UNC93A: variants seen among roughly 807,000 people sequenced by gnomAD.
The protein encoded by UNC93A is unc-93 homolog A, also known as N-acetylglucosamine transporter UNC93A.
UNC93A carries 43 observed loss-of-function variants against 47.5 expected under a neutral mutation model. The ratio of observed to expected loss-of-function variants is 0.91; its 90% CI spans 0.71 to 1.17. The LOEUF (loss-of-function observed/expected upper bound fraction) is 1.17. Among genes scored for constraint, UNC93A ranks in the 50% most tolerant of loss-of-function variants. The pLI, the probability that UNC93A is intolerant of heterozygous loss-of-function variation, is 0.00. For synonymous variants in UNC93A, 280 were observed against 258.0 expected, an observed-to-expected ratio of 1.09 and a Z score of -0.82; for missense variants, 605 against 577.6, an observed-to-expected ratio of 1.05 and a Z score of -0.49.
At chr6:167,301,144 G>A (rs1778229571) in intron 4 of UNC93A, among the ~76,000 whole-genome samples, 1 of 152,256 alleles carries the variant, frequency 6.6e-6, no homozygotes, top group Non-Finnish European at 1.5e-5. Flanking sequence ...AACAGCACAG[G>A]CTTCTCTGTG....
At chr6:167,289,349 A>T (rs1214923029), upstream of UNC93A, among the ~76,000 whole-genome samples, 1 of 152,232 alleles carries the variant, frequency 6.6e-6, no homozygotes, top group Non-Finnish European at 1.5e-5. Context: ...CTCTAAGAGA[A>T]GCATTTTATT....
At chr6:167,303,869 C>T in intron 4 of UNC93A, 50 bp from the exon 5 acceptor site, 1 of 1,594,034 alleles carries the variant, frequency 6.3e-7, no homozygotes, top group South Asian at 1.1e-5. Context: ...TGCCAGGCAC[C>T]CTGCCTCTGG....
intron 4 of UNC93A, among the ~76,000 whole-genome samples, chr6:167,299,023 C>G (rs994250260): frequency 2.0e-5 from 3 of 150,520 alleles, no homozygotes; most frequent in African/African-American, 7.4e-5. Context: ...GGGGCTGAGG[C>G]AGGAGAATCA....
upstream of UNC93A, among the ~76,000 whole-genome samples, chr6:167,269,445 T>G (rs28491922): frequency 1.1e-4 from 17 of 152,318 alleles, 1 homozygote; most frequent in South Asian, 3.5e-3. Flanking sequence ...CATTTGAAAT[T>G]GGCATTGCAC....
chr6:167,305,102 T>TCCGTCCCCATC (rs11275636), intron 5 of UNC93A, among the ~76,000 whole-genome samples: 13,029 of 151,452 alleles, frequency 0.086, 829 homozygotes, highest in African/African-American at 0.17. Context: ...ACTTCTCTGC[T>TCCGTCCCCATC]CCAGATCCCT....
In UNC93A at chr6:167,294,616, G is replaced by A. The variant is rs1391683398; in HGVS notation, c.187G>A (p.Glu63Lys). ...SSMFLPPLLI[E>K]RLGCKGTIIL... ...CATGTTCCTCCCACCGCTCCTCATC[G>A]AGAGGCTGGGCTGCAAGGGGACCAT... The change falls in exon 2 of 8, where the codon GAG (glutamate) becomes AAG (lysine). Residue 63 changes from glutamate to lysine, a missense_variant. Physicochemically the swap from Glu to Lys is moderately conservative, Grantham distance 56. Coordinates refer to ENST00000230256, the MANE Select transcript of UNC93A (RefSeq NM_018974.4). The A allele has an allele frequency of 2.5e-6, 4 of 1,613,750 alleles. No homozygotes were observed. The highest frequency in any genetic ancestry group is 1.7e-4 in the Middle Eastern group (1 of 6,058).
In UNC93A at chr6:167,295,714, GTGCTCCTCGCCTT is replaced by G. The variant is rs1562350626; in HGVS notation, c.270-317_270-305del. ...CTGCCTCGTGCTCCTCGCCTCCCTCGTGCTCCTCGCCTTCCTCGTGCTCCTCGCCTCCCTCGTG... is the reference window on the plus strand; with the variant it reads ...CTGCCTCGTGCTCCTCGCCTCCCTCGCCTCGTGCTCCTCGCCTCCCTCGTG... On this transcript the variant is annotated intron_variant, in intron 2 of 7. Coordinates refer to ENST00000230256, the MANE Select transcript of UNC93A (RefSeq NM_018974.4). Among the ~76,000 whole-genome samples the G allele has an allele frequency of 3.8e-4, 51 of 133,926 alleles. 3 individuals are homozygous for G. The highest frequency in any genetic ancestry group is 4.2e-3 in the Middle Eastern group (1 of 236). The allele number at this position is 133,926 out of a possible 152,430, so 87.9% of individuals were successfully genotyped here.
At chr6:167,291,640 G>T in intron 1 of UNC93A, 64 bp downstream of exon 1, 1 of 1,463,872 alleles carries the variant, frequency 6.8e-7, no homozygotes, top group Non-Finnish European at 9.3e-7. Context: ...TGTGGTCACA[G>T]ACAATAATGA....
chr6:167,288,020 A>G (rs184936127), upstream of UNC93A, among the ~76,000 whole-genome samples: 6 of 152,272 alleles, frequency 3.9e-5, no homozygotes, highest in African/African-American at 1.4e-4. Context: ...GGCCACTCAC[A>G]TGTCCCAGGT....
upstream of UNC93A, among the ~76,000 whole-genome samples, chr6:167,286,971 C>CTT (rs1783746322): frequency 1.7e-5 from 2 of 117,984 alleles, no homozygotes; most frequent in African/African-American, 6.8e-5. Flanking sequence ...GAGCAAGACT[C>CTT]TGTCTCAAAA....
Position 167,298,080 on chromosome 6 carries a change from C to A in UNC93A, c.625+10C>A, listed in dbSNP as rs756389235. 1 of 1,613,002 alleles carries A rather than the reference C, an allele frequency of 6.2e-7. No individual in the cohort carries two copies. Among genetic ancestry groups the A allele is most frequent in the Non-Finnish European group, 8.5e-7 (1 of 1,179,592 alleles). On this transcript the variant is annotated intron_variant, in intron 4 of 7. Coordinates refer to ENST00000230256, the MANE Select transcript of UNC93A (RefSeq NM_018974.4). The stretch of plus-strand genomic sequence containing the variant: ...CTGGGCATCTACACTGGTACGAGCT[C>A]CATCGGCCCAGGGCAGGGTCCCTAG...
At chr6:167,312,188 G>T (rs1472220126) in intron 7 of UNC93A, among the ~76,000 whole-genome samples, 1 of 151,810 alleles carries the variant, frequency 6.6e-6, no homozygotes, top group South Asian at 2.1e-4. Flanking sequence ...GTGGGTTTGC[G>T]GAGGACAGCT....
At chr6:167,296,769 T>G (rs1346257607) in intron 3 of UNC93A, among the ~76,000 whole-genome samples, 2 of 152,212 alleles carry the variant, frequency 1.3e-5, no homozygotes, top group Admixed American at 1.3e-4. Flanking sequence ...AAATATAAAG[T>G]GCATATCTCA....
intron 1 of UNC93A, among the ~76,000 whole-genome samples, chr6:167,275,107 G>T (rs1282165572): frequency 1.3e-5 from 2 of 152,150 alleles, no homozygotes; most frequent in African/African-American, 4.8e-5. Context: ...TGGCATCTGT[G>T]TTTTCAGGTG....
In UNC93A at chr6:167,277,370, G is replaced by A. The variant is rs530371234; in HGVS notation, c.-52+5912G>A. Among the ~76,000 whole-genome samples, 34 of 152,326 alleles carry A rather than the reference G, an allele frequency of 2.2e-4. 1 individual carries two copies. Among genetic ancestry groups the A allele is most frequent in the African/African-American group, 7.9e-4 (33 of 41,558 alleles). Reference sequence around the variant, plus strand: ...CTTCCAGCTGGCCTCTGACCATGGGGCTCTCCAGGCCCTGAGTCACTGCTG... The same window carrying A: ...CTTCCAGCTGGCCTCTGACCATGGGACTCTCCAGGCCCTGAGTCACTGCTG... On this transcript the variant is annotated intron_variant, in intron 1 of 3. Coordinates refer to the UNC93A transcript ENST00000503433.
chr6:167,274,180 T>C (rs1783499813), intron 1 of UNC93A, among the ~76,000 whole-genome samples: 1 of 152,076 alleles, frequency 6.6e-6, no homozygotes, highest in Non-Finnish European at 1.5e-5. Context: ...TTACACAGGG[T>C]TAGTAAGACC....
At chr6:167,293,646 T>TA (rs1448513233) in intron 1 of UNC93A, among the ~76,000 whole-genome samples, 8 of 152,018 alleles carry the variant, frequency 5.3e-5, no homozygotes, top group Admixed American at 3.9e-4. Context: ...ATCCCCAGGC[T>TA]CCCTCCTCAG....
At chr6:167,299,878 G>A (rs1583081012) in intron 4 of UNC93A, among the ~76,000 whole-genome samples, 1 of 152,226 alleles carries the variant, frequency 6.6e-6, no homozygotes, top group African/African-American at 2.4e-5. Context: ...GGGTCTGGAC[G>A]AGTGCAGACT....
intron 1 of UNC93A, among the ~76,000 whole-genome samples, chr6:167,271,876 G>A (rs418580): frequency 0.05 from 7,640 of 152,196 alleles, 589 homozygotes; most frequent in African/African-American, 0.17. Context: ...GGCTTCTAGG[G>A]CAGCAAACTG....
Sources: gnomAD v4.1 joint callset for allele counts (sites outside exome capture counted in the v4.1 genomes callset) on GRCh38, gnomAD v4.1.1 for gene constraint, MANE v1.5 for transcripts, NCBI Gene and HGNC (gene_info 2026-07-23, HGNC 2026-07-21) for gene names.